Variants in PSPC1 observed in about 807,000 individuals in gnomAD.
PSPC1 encodes paraspeckle component 1.
Under a neutral mutation model 51.6 loss-of-function variants are expected in PSPC1, and 14 were observed. The ratio of observed to expected loss-of-function variants is 0.27; its 90% confidence interval spans 0.18 to 0.42. PSPC1 has a LOEUF of 0.42. Ranked by LOEUF, PSPC1 falls within the 10% of genes least tolerant of loss-of-function variation. PSPC1 has a pLI of 1.00. For synonymous variants in PSPC1, 193 were observed against 231.9 expected (o/e 0.83, Z 1.53); for missense variants, 406 against 701.1 (o/e 0.58, Z 4.75).
intron 6 of PSPC1, among the ~76,000 whole-genome samples, chr13:19,710,553 A>G (rs1881261225): frequency 6.6e-6 from 1 of 152,246 alleles, no homozygotes; most frequent in African/African-American, 2.4e-5. Flanking sequence ...TCTTATTAAA[A>G]TCTAAATGTT....
chr13:19,779,541 G>A lies in PSPC1; in HGVS notation c.372+2845C>T, dbSNP rs868740806. ...GCCCCCCCACCCGGCCAGCCGCCCC[G>A]TCCCGGAGGGAGGTGGGGGGGTCAG... On this transcript the variant is annotated intron_variant, in intron 1 of 8. Transcript: ENST00000338910. Among the ~76,000 whole-genome samples, 64 of 23,100 alleles carry A rather than the reference G, an allele frequency of 2.8e-3. 1 individual carries two copies. Among genetic ancestry groups the A allele is most frequent in the African/African-American group, 4.5e-3 (34 of 7,636 alleles). 15.2% of individuals were successfully genotyped at this position (23,100 alleles called of 152,430 possible). A position where few individuals can be genotyped will look rare whatever the true frequency, so the allele number is the denominator to read the frequency against.
intron 6 of PSPC1, among the ~76,000 whole-genome samples, chr13:19,729,211 A>G (rs1883736811): frequency 6.6e-6 from 1 of 152,162 alleles, no homozygotes; most frequent in Admixed American, 6.6e-5. Flanking sequence ...CTTTTCTATA[A>G]GCATAATCTT....
chr13:19,756,268 T>C (rs1199513964), intron 3 of PSPC1, among the ~76,000 whole-genome samples: 1 of 152,118 alleles, frequency 6.6e-6, no homozygotes, highest in African/African-American at 2.4e-5. Context: ...TGAGCCCCTA[T>C]GCTCAGGCCC....
intron 6 of PSPC1, among the ~76,000 whole-genome samples, chr13:19,689,195 C>T (rs1029247068): frequency 7.9e-5 from 12 of 152,208 alleles, no homozygotes; most frequent in African/African-American, 2.9e-4. Flanking sequence ...GCTCCGGCTG[C>T]TCTAGACAGC....
chr13:19,718,867 A>G lies in PSPC1; in HGVS notation c.1159-9268T>C, dbSNP rs1332480395. 3.9e-5 allele frequency among the ~76,000 whole-genome samples: 6 copies of G among 152,216 alleles called. No individual in the cohort carries two copies. In the South Asian group the frequency reaches 1.0e-3, roughly 26 times the overall value. The stretch of plus-strand genomic sequence containing the variant: ...CACATTGCCAGGTGACTAGAAGCCA[A>G]TCTGAAGAGGCTGTATACTGTATGA... On this transcript the variant is annotated intron_variant, in intron 6 of 8. Coordinates refer to ENST00000338910, the MANE Select transcript of PSPC1 (RefSeq NM_001354909.2).
At chr13:19,674,340 C>A (rs1431313935), downstream of PSPC1, among the ~76,000 whole-genome samples, 1 of 152,166 alleles carries the variant, frequency 6.6e-6, no homozygotes, top group African/African-American at 2.4e-5. Flanking sequence ...AATAGAAAAA[C>A]TATTCCATTT....
chr13:19,746,359 G>A lies in PSPC1; in HGVS notation c.968-4710C>T, dbSNP rs565581419. On this transcript the variant is annotated intron_variant, in intron 4 of 8. Coordinates refer to ENST00000338910, the MANE Select transcript of PSPC1 (RefSeq NM_001354909.2). The stretch of plus-strand genomic sequence containing the variant: ...AGAGGTTGCAGCAAGCCGAGATTGC[G>A]CCACTGCACTCCAGCCTGGGCAACA... 4.6e-5 allele frequency among the ~76,000 whole-genome samples: 7 copies of A among 151,710 alleles called. No individual in the cohort carries two copies. In the East Asian group the frequency reaches 5.9e-4, roughly 13 times the overall value.
chr13:19,780,240 G>A (rs1359751573), intron 1 of PSPC1, among the ~76,000 whole-genome samples: 9 of 142,834 alleles, frequency 6.3e-5, no homozygotes, highest in African/African-American at 2.3e-4. Flanking sequence ...GGTGAGGGGC[G>A]CCTCTGCCCG....
Position 19,751,320 on chromosome 13 carries a change from T to C in PSPC1, c.918A>G (p.Ala306=). 6.4e-7 allele frequency: 1 copy of C among 1,572,630 alleles called. No homozygotes were observed. Among genetic ancestry groups the C allele is most frequent in the Non-Finnish European group, 8.6e-7 (1 of 1,166,884 alleles). ...GTTCATGCCTAGCTGCTTCCATTTCTGCCTCCAGTTTCTCTTTGGCTTCTC... is the reference window on the plus strand; with the variant it reads ...GTTCATGCCTAGCTGCTTCCATTTCCGCCTCCAGTTTCTCTTTGGCTTCTC... ...NIREAKEKLE[A]EMEAARHEHQ... Residue 306 remains alanine (A), a synonymous_variant, in exon 4 of 9, where the codon GCA becomes GCG. Coordinates refer to ENST00000338910, the MANE Select transcript of PSPC1 (RefSeq NM_001354909.2).
intron 6 of PSPC1, among the ~76,000 whole-genome samples, chr13:19,725,562 A>G (rs968034368): frequency 1.5e-4 from 23 of 152,156 alleles, no homozygotes; most frequent in African/African-American, 5.3e-4. Flanking sequence ...AGTCTCACAT[A>G]GTTGTGTCAC....
At chr13:19,698,272 A>T (rs1199539380), downstream of PSPC1, among the ~76,000 whole-genome samples, 1 of 151,984 alleles carries the variant, frequency 6.6e-6, no homozygotes, top group Non-Finnish European at 1.5e-5. Context: ...GCTAGAAAAA[A>T]TTTTAGATAA....
At chr13:19,751,172 A>G in intron 4 of PSPC1, 99 bp downstream of exon 4, 1 of 948,122 alleles carries the variant, frequency 1.1e-6, no homozygotes, top group Non-Finnish European at 1.4e-6. Context: ...CTTTACCTCT[A>G]AACTCCTAAA....
intron 6 of PSPC1, among the ~76,000 whole-genome samples, chr13:19,716,839 G>A (rs1476968664): frequency 1.3e-5 from 2 of 152,088 alleles, no homozygotes; most frequent in Admixed American, 6.6e-5. Flanking sequence ...CACTAAAGAA[G>A]GTTACATAAC....
At chr13:19,718,410 A>G (rs1260218053) in intron 6 of PSPC1, among the ~76,000 whole-genome samples, 1 of 152,224 alleles carries the variant, frequency 6.6e-6, no homozygotes, top group Non-Finnish European at 1.5e-5. Context: ...ACATTGACGG[A>G]ACTGCAAATT....
At chr13:19,716,737 A>G (rs1882139103) in intron 6 of PSPC1, among the ~76,000 whole-genome samples, 1 of 152,214 alleles carries the variant, frequency 6.6e-6, no homozygotes, top group African/African-American at 2.4e-5. Context: ...GAATATCTAA[A>G]TATTCCTAAA....
At chr13:19,761,615 G>A (rs975450313) in intron 2 of PSPC1, among the ~76,000 whole-genome samples, 1 of 152,104 alleles carries the variant, frequency 6.6e-6, no homozygotes, top group Non-Finnish European at 1.5e-5. Context: ...GACATTTTAA[G>A]GAAACAGTTA....
At chr13:19,760,489 C>T (rs902570418) in intron 2 of PSPC1, among the ~76,000 whole-genome samples, 1 of 150,792 alleles carries the variant, frequency 6.6e-6, no homozygotes, top group Admixed American at 6.6e-5. Flanking sequence ...GATCGCACCA[C>T]TGTACTCCAG....
intron 3 of PSPC1, among the ~76,000 whole-genome samples, chr13:19,755,473 A>G (rs1052163362): frequency 6.6e-6 from 1 of 151,936 alleles, no homozygotes; most frequent in African/African-American, 2.4e-5. Context: ...CTGTAGTCTC[A>G]GCTACTTGGG....
chr13:19,720,118 T>C (rs779840071), intron 6 of PSPC1, among the ~76,000 whole-genome samples: 55 of 152,192 alleles, frequency 3.6e-4, no homozygotes, highest in Non-Finnish European at 7.2e-4. Flanking sequence ...TCAAATTTAG[T>C]TATTTTACCC....
Sources: gnomAD v4.1 joint callset for allele counts (sites outside exome capture counted in the v4.1 genomes callset) on GRCh38, gnomAD v4.1.1 for gene constraint, MANE v1.5 for transcripts, NCBI Gene and HGNC (gene_info 2026-07-23, HGNC 2026-07-21) for gene names.